The following TMEM67 variants were observed in gnomAD, a reference collection of about 807,000 sequenced individuals.
TMEM67 encodes the protein meckelin.
In TMEM67, 124 loss-of-function variants were observed where a neutral mutation model predicts 136.6. The ratio of observed to expected loss-of-function variants is 0.91; its 90% confidence interval spans 0.78 to 1.05. The LOEUF is 1.05. TMEM67 is among the 50% of genes least tolerant of loss of function. The pLI, the probability that TMEM67 is intolerant of heterozygous loss-of-function variation, is 0.00. For synonymous variants in TMEM67, 364 were observed against 390.5 expected (o/e 0.93, Z 0.80); for missense variants, 1,107 against 1,178.4 (o/e 0.94, Z 0.89).
At chr8:93,771,803 A>C (rs1416074573) in intron 6 of TMEM67, among the ~76,000 whole-genome samples, 1 of 152,148 alleles carries the variant, frequency 6.6e-6, no homozygotes, top group Non-Finnish European at 1.5e-5. Context: ...TCAGCCTTCT[A>C]TGCATATTTT....
intron 20 of TMEM67, among the ~76,000 whole-genome samples, chr8:93,799,283 C>G (rs961728270): frequency 3.3e-5 from 5 of 152,062 alleles, no homozygotes; most frequent in Admixed American, 6.6e-5. Flanking sequence ...TCATGAAATA[C>G]TACTTGTTGG....
intron 15 of TMEM67, among the ~76,000 whole-genome samples, chr8:93,792,211 G>T (rs1245368027): frequency 6.6e-6 from 1 of 151,104 alleles, no homozygotes; most frequent in Non-Finnish European, 1.5e-5. Flanking sequence ...TCACTCTGTC[G>T]CCCAGTCTGG....
In TMEM67 at chr8:93,804,837, A is replaced by G; in HGVS notation, c.2398A>G (p.Thr800Ala). 2 of 1,604,884 alleles carry G rather than the reference A, an allele frequency of 1.2e-6. No homozygotes were observed. Among genetic ancestry groups the G allele is most frequent in the Non-Finnish European group, 8.5e-7 (1 of 1,171,880 alleles). ...HGRSVHGHAD[T>A]NMEEMNMNLK... ...TAGATCAGTACATGGGCATGCAGATACTAATATGGAAGAAATGAATATGAA... is the reference window on the plus strand; with the variant it reads ...TAGATCAGTACATGGGCATGCAGATGCTAATATGGAAGAAATGAATATGAA... The change falls in exon 23 of 28, where the codon ACT becomes GCT. Residue 800 changes from threonine (T) to alanine (A), a missense_variant. Around this residue, in one of 3 missense-constraint regions of TMEM67, gnomAD observed 925 missense variants for 1,002.4 expected, o/e 0.92. Transcript: ENST00000453321.
downstream of TMEM67, among the ~76,000 whole-genome samples, chr8:93,819,575 G>A (rs1229223181): frequency 1.3e-5 from 2 of 152,194 alleles, no homozygotes; most frequent in East Asian, 3.9e-4. Flanking sequence ...GAAACGTGCT[G>A]CAGTACCGGG....
the TMEM67 span, among the ~76,000 whole-genome samples, chr8:93,826,275 G>A: frequency 6.6e-6 from 1 of 151,504 alleles, no homozygotes; most frequent in Admixed American, 6.6e-5. Flanking sequence ...GACTACAGGC[G>A]CCCACCACCG....
intron 20 of TMEM67, among the ~76,000 whole-genome samples, chr8:93,798,747 A>G (rs1406587215): frequency 1.3e-5 from 2 of 151,774 alleles, no homozygotes; most frequent in African/African-American, 4.8e-5. Flanking sequence ...TTGTATCCCT[A>G]GGGCTTTAAA....
At chr8:93,783,058 C>A (rs1813917916) in intron 11 of TMEM67, among the ~76,000 whole-genome samples, 1 of 152,116 alleles carries the variant, frequency 6.6e-6, no homozygotes. Context: ...AATCTCAGCT[C>A]ACTGCAATCT....
At position 93,780,945 on chromosome 8, in the gene TMEM67, C is replaced by G. The variant is rs748670072; in HGVS notation, c.941C>G (p.Ser314Cys). 5.6e-6 allele frequency: 9 copies of G among 1,611,928 alleles called. No homozygotes were observed. The South Asian group carries it at 8.8e-5, about 16-fold the overall frequency. Residue 314 changes from serine (S) to cysteine (C), a missense_variant, in exon 9 of 28, where the codon TCT becomes TGT. By Grantham distance (112) the Ser-to-Cys change is moderately radical. Transcript: ENST00000453321. Reference sequence around the variant, plus strand: ...GCACCTCAAGTGCTCAGTTCTACCTCTCTTCCTACAAATTTCAGTTTTAAA... The same window carrying G: ...GCACCTCAAGTGCTCAGTTCTACCTGTCTTCCTACAAATTTCAGTTTTAAA... ...GLAPQVLSST[S>C]LPTNFSFKGE... is the part of the protein sequence containing the mutation.
intron 3 of TMEM67, chr8:93,758,801 G>T: frequency 2.0e-6 from 1 of 501,836 alleles, no homozygotes; most frequent in Non-Finnish European, 3.6e-6. Flanking sequence ...GTCTCGTTAT[G>T]TTGCTCAGCC....
Position 93,763,869 on chromosome 8 carries a change from T to C in TMEM67, c.434T>C (p.Leu145Ser). The stretch of plus-strand genomic sequence containing the variant: ...GAAAGAGACATTAATGGAACATTGT[T>C]GTCTCAAGCAACTTGTGAGCTCTGT... ...LVERDINGTLLSQATCELCDG... is the reference protein window; with the variant it reads ...LVERDINGTLSSQATCELCDG... Residue 145 changes from leucine to serine, a missense_variant, in exon 4 of 28, where the codon TTG (leucine) becomes TCG (serine). Leu to Ser is a moderately radical substitution (Grantham distance 145). Coordinates refer to ENST00000453321, the MANE Select transcript of TMEM67 (RefSeq NM_153704.6). 1 of 1,613,816 alleles carries C rather than the reference T, an allele frequency of 6.2e-7. No homozygotes were observed. The highest frequency in any genetic ancestry group is 8.5e-7 in the Non-Finnish European group (1 of 1,179,760).
At chr8:93,819,292 C>G, downstream of TMEM67, 1 of 410,394 alleles carries the variant, frequency 2.4e-6, no homozygotes, top group Non-Finnish European at 4.7e-6. Flanking sequence ...CCTTCTTCCT[C>G]AGCCACCCCC....
chr8:93,806,127 C>T (rs991259619), intron 23 of TMEM67, among the ~76,000 whole-genome samples: 6 of 152,138 alleles, frequency 3.9e-5, no homozygotes, highest in Non-Finnish European at 5.9e-5. Flanking sequence ...GGATAAATGA[C>T]TCAGTGTCTC....
the TMEM67 span, among the ~76,000 whole-genome samples, chr8:93,828,863 G>A: frequency 6.6e-6 from 1 of 151,970 alleles, no homozygotes; most frequent in Non-Finnish European, 1.5e-5. Flanking sequence ...ACTATTGTTA[G>A]TCAAGTGTTT....
In TMEM67 at chr8:93,770,921, A is replaced by G. The variant is rs958521324; in HGVS notation, c.652-1668A>G. On this transcript the variant is annotated intron_variant, in intron 6 of 27. Transcript: ENST00000453321. ...CCCCAGCTACTCAGGAGGCTGAGGC[A>G]GGAGAATCGCTTGAACCCAGGAGAC... 2.6e-5 allele frequency among the ~76,000 whole-genome samples: 4 copies of G among 152,068 alleles called. No homozygotes were observed. The East Asian group carries it at 5.8e-4, about 22-fold the overall frequency.
chr8:93,767,313 T>G (rs913557590), intron 6 of TMEM67, among the ~76,000 whole-genome samples: 2 of 152,238 alleles, frequency 1.3e-5, no homozygotes, highest in Non-Finnish European at 1.5e-5. Flanking sequence ...GCTGTTAACC[T>G]TGATCACCTG....
intron 21 of TMEM67, among the ~76,000 whole-genome samples, chr8:93,801,804 A>G (rs1814883928): frequency 6.6e-6 from 1 of 152,218 alleles, no homozygotes; most frequent in African/African-American, 2.4e-5. Flanking sequence ...GATGAGACTT[A>G]CTCAAACTTG....
At chr8:93,795,544 T>C (rs748165486) in intron 17 of TMEM67, 37 bp downstream of exon 17, 1 of 1,481,846 alleles carries the variant, frequency 6.7e-7, no homozygotes, top group Non-Finnish European at 9.4e-7. Context: ...ACTGCCAATA[T>C]CTGAATAGTT....
chr8:93,826,123 CTTTTTTTTTTTTT>C, the TMEM67 span, among the ~76,000 whole-genome samples: 13 of 52,372 alleles, frequency 2.5e-4, no homozygotes, highest in Admixed American at 2.9e-3. Context: ...TTAATCATGT[CTTTTTTTTTTTTT>C]TTTTTTTTTT....
In TMEM67 at chr8:93,763,942, G is replaced by A; in HGVS notation, c.506+1G>A. 1 of 1,593,420 alleles carries A rather than the reference G, an allele frequency of 6.3e-7. No individual in the cohort carries two copies. The highest frequency in any genetic ancestry group is 2.2e-5 in the East Asian group (1 of 44,712). On this transcript the variant is annotated splice_donor_variant, in intron 4 of 27. Transcript: ENST00000453321. LOFTEE classifies it high-confidence loss of function. The stretch of plus-strand genomic sequence containing the variant: ...TGGTAGTAAATGCTTTAGGAGACAG[G>A]TAAGCAGTGTGATGGGGGCTAACTT...
Sources: gnomAD v4.1 joint callset for allele counts (sites outside exome capture counted in the v4.1 genomes callset) on GRCh38, gnomAD v4.1.1 for gene constraint, gnomAD v4.1.1 regional missense constraint, MANE v1.5 for transcripts, NCBI Gene and HGNC (gene_info 2026-07-23, HGNC 2026-07-21) for gene names.